CHFR: variants seen among roughly 807,000 people sequenced by gnomAD.
CHFR encodes E3 ubiquitin-protein ligase CHFR.
In CHFR, 57 loss-of-function variants were observed where a neutral mutation model predicts 87.6. The observed-to-expected ratio is 0.65, with a 90% CI of 0.53 to 0.81. CHFR has a LOEUF of 0.81. Among genes scored for constraint, CHFR ranks in the 30% least tolerant of loss-of-function variants. The pLI is 0.00. For missense variants in CHFR, 797 were observed against 865.8 expected (o/e 0.92, Z 1.00); for synonymous variants, 381 against 359.2 (o/e 1.06, Z -0.69).
chr12:132,883,676 G>A (rs1255401466), intron 2 of CHFR, among the ~76,000 whole-genome samples: 7 of 152,232 alleles, frequency 4.6e-5, no homozygotes, highest in East Asian at 3.8e-4. Flanking sequence ...GCAGTGAGCC[G>A]AGATCGTGCC....
intron 2 of CHFR, among the ~76,000 whole-genome samples, chr12:132,882,706 G>GTT (rs11287044): frequency 1.4e-5 from 2 of 145,632 alleles, no homozygotes; most frequent in African/African-American, 2.5e-5. Context: ...AGAACATCAG[G>GTT]TTTTTTTTTT....
In CHFR at chr12:132,869,701, T is replaced by C. The variant is rs753235007; in HGVS notation, c.501A>G (p.Thr167=). ...QVCFEEPQPS[T]STSDLFPTAS... is the part of the protein sequence containing the mutation. ...CTGTGGGGAAGAGGTCTGACGTCGA[T>C]GTTGATGGCTGTGGTTCCTCAAAGC... is the stretch of plus-strand genomic sequence containing the variant. Residue 167 remains threonine, a synonymous_variant, in exon 6 of 18, where the codon ACA becomes ACG. Transcript: ENST00000450056. The C allele has an allele frequency of 3.4e-5, 52 of 1,551,580 alleles. No homozygotes were observed. The highest frequency in any genetic ancestry group is 4.3e-5 in the Non-Finnish European group (49 of 1,147,010).
intron 6 of CHFR, chr12:132,862,038 C>A (rs919831338): frequency 2.0e-5 from 4 of 202,342 alleles, no homozygotes; most frequent in South Asian, 7.6e-5. Context: ...GTTGGGAGGC[C>A]GAAGCAAGTG....
chr12:132,875,732 G>A (rs1951616083), intron 3 of CHFR, among the ~76,000 whole-genome samples: 1 of 152,208 alleles, frequency 6.6e-6, no homozygotes, highest in African/African-American at 2.4e-5. Flanking sequence ...TTGGGAAAGA[G>A]TCACTGCAGT....
chr12:132,848,559 G>C, intron 13 of CHFR, 82 bp downstream of exon 13: 1 of 1,071,996 alleles, frequency 9.3e-7, no homozygotes. Context: ...TCAGGCTATG[G>C]ACCCCACCAT....
chr12:132,878,163 C>T (rs1451420468), intron 2 of CHFR, among the ~76,000 whole-genome samples: 2 of 152,142 alleles, frequency 1.3e-5, no homozygotes, highest in Non-Finnish European at 2.9e-5. Flanking sequence ...TCCAGTTACA[C>T]ACAGCCTCTT....
At chr12:132,875,351 G>A (rs939163488) in intron 3 of CHFR, among the ~76,000 whole-genome samples, 4 of 152,170 alleles carry the variant, frequency 2.6e-5, no homozygotes, top group Non-Finnish European at 4.4e-5. Flanking sequence ...TTTAAAAGAC[G>A]CACATTCTGG....
At chr12:132,849,075 T>G (rs1258853934) in intron 12 of CHFR, 1 of 211,560 alleles carries the variant, frequency 4.7e-6, no homozygotes, top group Non-Finnish European at 9.5e-6. Flanking sequence ...GCCTCCTGAG[T>G]AGCTAGGACT....
At chr12:132,886,567 G>A (rs986156587) in intron 2 of CHFR, among the ~76,000 whole-genome samples, 4 of 152,186 alleles carry the variant, frequency 2.6e-5, no homozygotes, top group Non-Finnish European at 4.4e-5. Flanking sequence ...TGGGAGACTG[G>A]AGGCAGTGAA....
At position 132,833,127 on chromosome 12, in the gene CHFR, T is replaced by A. The variant is rs1016052898; in HGVS notation, c.*8427A>T. On this transcript the variant is annotated 3_prime_UTR_variant, in exon 18 of 18. Coordinates refer to ENST00000450056, the MANE Select transcript of CHFR (RefSeq NM_001161346.2). ...CCATTTTGTCTGTCCATGCATCAGC[T>A]GATGGACCCACTGAGGTGCCTTACG... The A allele has an allele frequency of 6.6e-6, 1 of 152,264 alleles. No homozygotes were observed. Among genetic ancestry groups the A allele is most frequent in the African/African-American group, 2.4e-5 (1 of 41,464 alleles). 9.4% of individuals were successfully genotyped at this position (152,264 alleles called of 1,614,324 possible).
At chr12:132,861,432 G>C in intron 7 of CHFR, 35 bp downstream of exon 7, 1 of 1,605,902 alleles carries the variant, frequency 6.2e-7, no homozygotes, top group Non-Finnish European at 8.5e-7. Flanking sequence ...AGGAGCACAC[G>C]AGAGGACTGA....
At chr12:132,879,309 G>A (rs1414375718) in intron 2 of CHFR, among the ~76,000 whole-genome samples, 1 of 151,050 alleles carries the variant, frequency 6.6e-6, no homozygotes, top group Non-Finnish European at 1.5e-5. Context: ...ATAGGCATTT[G>A]TACACGTATA....
intron 3 of CHFR, among the ~76,000 whole-genome samples, chr12:132,875,751 T>C (rs1339213850): frequency 1.3e-5 from 2 of 152,128 alleles, no homozygotes; most frequent in Non-Finnish European, 2.9e-5. Flanking sequence ...GTGTTATTTA[T>C]AGTAAGAAAA....
At chr12:132,843,909 A>G in intron 16 of CHFR, 118 bp downstream of exon 16, 1 of 611,828 alleles carries the variant, frequency 1.6e-6, no homozygotes, top group Non-Finnish European at 3.0e-6. Context: ...AGATTGCACC[A>G]CTGCACTCCA....
At chr12:132,858,944 G>A (rs1277677028) in intron 8 of CHFR, 124 bp downstream of exon 8, 16 of 924,858 alleles carry the variant, frequency 1.7e-5, no homozygotes, top group Admixed American at 1.5e-4. Flanking sequence ...GGGTGACAGA[G>A]TAACCTCAGC....
At chr12:132,878,586 G>A (rs879578362) in intron 2 of CHFR, among the ~76,000 whole-genome samples, 12 of 151,400 alleles carry the variant, frequency 7.9e-5, no homozygotes, top group African/African-American at 2.7e-4. Flanking sequence ...GGCTCACACC[G>A]AGGCGGGCAG....
chr12:132,878,253 G>A (rs1010691132), intron 2 of CHFR, among the ~76,000 whole-genome samples: 7 of 152,072 alleles, frequency 4.6e-5, no homozygotes, highest in African/African-American at 1.4e-4. Context: ...AATGGATCAC[G>A]AGGTCAGGAG....
At position 132,887,502 on chromosome 12, in the gene CHFR, T is replaced by A. The variant is rs907413157; in HGVS notation, c.-13+45A>T. On this transcript the variant is annotated intron_variant, in intron 1 of 17. Coordinates refer to ENST00000450056, the MANE Select transcript of CHFR (RefSeq NM_001161346.2). ...GCCCCCTCCCACGGCCGCAACCAGG[T>A]CCCCCTTCGCCGCCCGCCGCAGCCC... is the stretch of plus-strand genomic sequence containing the variant. The A allele has an allele frequency of 2.6e-4, 66 of 251,870 alleles. 2 individuals carry two copies. The highest frequency in any genetic ancestry group is 4.0e-4 in the Admixed American group (6 of 15,088). 15.6% of individuals were successfully genotyped at this position (251,870 alleles called of 1,614,324 possible).
chr12:132,843,971 G>T, intron 16 of CHFR, 56 bp downstream of exon 16: 1 of 1,110,860 alleles, frequency 9.0e-7, no homozygotes. Flanking sequence ...AGAGGCAGAA[G>T]CCAAGAAGCC....
Sources: gnomAD v4.1 joint callset for allele counts (sites outside exome capture counted in the v4.1 genomes callset) on GRCh38, gnomAD v4.1.1 for gene constraint, MANE v1.5 for transcripts, NCBI Gene and HGNC (gene_info 2026-07-23, HGNC 2026-07-21) for gene names.